ZNF233: variants seen among roughly 807,000 people sequenced by gnomAD.
ZNF233 encodes the protein zinc finger protein 233.
A neutral mutation model predicts 11.6 loss-of-function variants in ZNF233; 7 were observed. The ratio of observed to expected loss-of-function variants is 0.60; its 90% CI spans 0.34 to 1.13. The LOEUF (loss-of-function observed/expected upper bound fraction) is 1.13, where lower values mean the gene tolerates loss of function less well. Ranked by LOEUF, ZNF233 falls within the 50% of genes most tolerant of loss-of-function variation. The pLI, the probability that ZNF233 is intolerant of heterozygous loss-of-function variation, is 0.03. For missense variants in ZNF233, 711 were observed against 785.5 expected (o/e 0.91, Z 1.13); for synonymous variants, 226 against 268.5 (o/e 0.84, Z 1.55).
chr19:44,269,441 G>A (rs1368175058), intron 4 of ZNF233, among the ~76,000 whole-genome samples: 3 of 151,812 alleles, frequency 2.0e-5, no homozygotes, highest in Non-Finnish European at 4.4e-5. Context: ...GACTATAGGC[G>A]CATGCCACCA....
At chr19:44,270,888 C>T (rs58005257) in intron 4 of ZNF233, among the ~76,000 whole-genome samples, 3,503 of 152,248 alleles carry the variant, frequency 0.023, 131 homozygotes, top group African/African-American at 0.08. Flanking sequence ...TCAGAAGTGA[C>T]AGATCATCAC....
intron 2 of ZNF233, among the ~76,000 whole-genome samples, chr19:44,265,407 ACAC>A (rs1223517088): frequency 8.2e-6 from 1 of 121,970 alleles, no homozygotes; most frequent in African/African-American, 3.1e-5. Context: ...ACACACACAC[ACAC>A]CACGGTTTCT....
At chr19:44,264,883 G>A (rs1453800440) in intron 2 of ZNF233, among the ~76,000 whole-genome samples, 1 of 152,082 alleles carries the variant, frequency 6.6e-6, no homozygotes, top group African/African-American at 2.4e-5. Flanking sequence ...AACACACAAT[G>A]CTGTCTCTAA....
intron 1 of ZNF233, among the ~76,000 whole-genome samples, chr19:44,263,941 T>G (rs966364109): frequency 1.1e-4 from 17 of 152,218 alleles, no homozygotes; most frequent in Admixed American, 9.8e-4. Context: ...TTTTCTCATT[T>G]GCAGGTGACA....
intron 4 of ZNF233, among the ~76,000 whole-genome samples, chr19:44,270,403 C>T (rs1013178862): frequency 2.0e-5 from 3 of 150,470 alleles, no homozygotes; most frequent in Non-Finnish European, 3.0e-5. Context: ...CAACTGTAAT[C>T]CCAACTACTG....
intron 2 of ZNF233, 22 bp downstream of exon 2, chr19:44,264,397 A>T (rs1599872274): frequency 6.2e-7 from 1 of 1,608,110 alleles, no homozygotes; most frequent in Admixed American, 1.7e-5. Context: ...TTTGATTTTT[A>T]TCTCTTAAAA....
At position 44,273,885 on chromosome 19, in the gene ZNF233, C is replaced by A. The variant is rs182092287; in HGVS notation, c.1225C>A (p.Gln409Lys). ...KCDVYDKGFS[Q>K]TSQLQAHQRG... ...TGATGTATATGATAAAGGCTTCAGT[C>A]AGACATCACAACTTCAAGCCCATCA... Residue 409 changes from glutamine to lysine, a missense_variant, in exon 5 of 5, where the codon CAG becomes AAG. Coordinates refer to ENST00000683810, the MANE Select transcript of ZNF233 (RefSeq NM_001207005.2). 6.2e-7 allele frequency: 1 copy of A among 1,614,150 alleles called. No individual in the cohort carries two copies. Among genetic ancestry groups the A allele is most frequent in the Non-Finnish European group, 8.5e-7 (1 of 1,180,042 alleles).
chr19:44,274,550 T>G lies in ZNF233; in HGVS notation c.1890T>G (p.Ser630Arg). The G allele has an allele frequency of 6.2e-7, 1 of 1,614,036 alleles. No homozygotes were observed. The highest frequency in any genetic ancestry group is 8.5e-7 in the Non-Finnish European group (1 of 1,179,990). Reference sequence around the variant, plus strand: ...GTGGCATGTGTGGTAAGAGCTTCAGTCAGACTTCACATCTTCAAGCCCATC... The same window carrying G: ...GTGGCATGTGTGGTAAGAGCTTCAGGCAGACTTCACATCTTCAAGCCCATC... ...YKCGMCGKSF[S>R]QTSHLQAHQR... Residue 630 changes from serine (S) to arginine (R), a missense_variant, in exon 5 of 5, where the codon AGT becomes AGG. Physicochemically the swap from Ser to Arg is moderately radical, Grantham distance 110 (BLOSUM62 -1). Transcript: ENST00000683810.
At chr19:44,260,937 C>T (rs1047689209) in intron 1 of ZNF233, among the ~76,000 whole-genome samples, 9 of 152,146 alleles carry the variant, frequency 5.9e-5, no homozygotes, top group Non-Finnish European at 1.3e-4. Flanking sequence ...AGGGTCTCTT[C>T]TATAGGCTTT....
At chr19:44,267,845 CT>C (rs975691170) in intron 4 of ZNF233, 2 of 153,194 alleles carry the variant, frequency 1.3e-5, no homozygotes, top group Non-Finnish European at 2.9e-5. Context: ...GAGTCTTGCT[CT>C]GTCGCCAGGC....
intron 2 of ZNF233, among the ~76,000 whole-genome samples, chr19:44,264,787 G>C (rs1975025561): frequency 6.6e-6 from 1 of 151,892 alleles, no homozygotes; most frequent in Non-Finnish European, 1.5e-5. Flanking sequence ...GTTGTTACTA[G>C]AGTTTTATAT....
At position 44,259,939 on chromosome 19, in the gene ZNF233, G is replaced by A. The variant is rs544952437; in HGVS notation, c.-48+1G>A. ...AGCCGTCATCTATCCCCTCTGGGAG[G>A]TGAGTCAGCGCGGAACCTCTGCATC... On this transcript the variant is annotated splice_donor_variant, in intron 1 of 4. Transcript: ENST00000683810. LOFTEE classifies it low-confidence loss of function (5UTR_SPLICE). 2.0e-5 allele frequency: 9 copies of A among 456,020 alleles called. No individual in the cohort carries two copies. Among genetic ancestry groups the A allele is most frequent in the African/African-American group, 1.4e-4 (7 of 50,170 alleles). The allele number at this position is 456,020 out of a possible 1,614,324, so 28.2% of individuals were successfully genotyped here.
chr19:44,267,118 A>G (rs1000666203), intron 4 of ZNF233, 157 bp downstream of exon 4: 1 of 543,082 alleles, frequency 1.8e-6, no homozygotes. Context: ...ACCTCCCTCC[A>G]GTCCATTCTC....
chr19:44,261,427 CA>C (rs1425546196), intron 1 of ZNF233, among the ~76,000 whole-genome samples: 1 of 151,368 alleles, frequency 6.6e-6, no homozygotes. Flanking sequence ...GAGTCTGTCT[CA>C]AAAAAATTAA....
In ZNF233 at chr19:44,273,050, G is replaced by T; in HGVS notation, c.390G>T (p.Arg130Ser). The change falls in exon 5 of 5, where the codon AGG (arginine) becomes AGT (serine). Residue 130 changes from arginine to serine, a missense_variant. Physicochemically the swap from Arg to Ser is moderately radical, Grantham distance 110. Transcript: ENST00000683810. ...TAATAATAAATCTTCAAGGCAAGAG[G>T]TCCAAGTTGCTAAAACAAGGTGATT... is the stretch of plus-strand genomic sequence containing the variant. ...QDLIINLQGK[R>S]SKLLKQGDSP... 6.2e-7 allele frequency: 1 copy of T among 1,614,102 alleles called. No individual in the cohort carries two copies. Among genetic ancestry groups the T allele is most frequent in the Non-Finnish European group, 8.5e-7 (1 of 1,180,014 alleles).
intron 4 of ZNF233, chr19:44,268,200 T>C (rs1975144989): frequency 6.6e-6 from 1 of 150,658 alleles, no homozygotes; most frequent in African/African-American, 2.5e-5. Context: ...TTAAATTAAA[T>C]ACCCATCTCT....
chr19:44,274,069 A>G lies in ZNF233; in HGVS notation c.1409A>G (p.His470Arg). The G allele has an allele frequency of 1.3e-6, 2 of 1,598,030 alleles. No individual in the cohort carries two copies. The highest frequency in any genetic ancestry group is 3.4e-5 in the Admixed American group (2 of 59,306). The change falls in exon 5 of 5, where the codon CAT becomes CGT. Residue 470 changes from histidine to arginine, a missense_variant. By Grantham distance (29) the His-to-Arg change is conservative. Transcript: ENST00000683810. ...GFSKASNLQA[H>R]QRIHTGEKPY... ...AGTAAGGCCTCAAATCTTCAAGCCCATCAGAGAATCCACACTGGAGAGAAA... is the reference window on the plus strand; with the variant it reads ...AGTAAGGCCTCAAATCTTCAAGCCCGTCAGAGAATCCACACTGGAGAGAAA...
At position 44,273,209 on chromosome 19, in the gene ZNF233, G is replaced by T. The variant is rs765649059; in HGVS notation, c.549G>T (p.Trp183Cys). The T allele has an allele frequency of 2.4e-5, 39 of 1,613,590 alleles. No homozygotes were observed. The South Asian group carries it at 4.3e-4, about 18-fold the overall frequency. ...ELPLRTTWDFWRKMYLREPQN... is the reference protein window; with the variant it reads ...ELPLRTTWDFCRKMYLREPQN... ...CATTGAGGACCACCTGGGATTTCTG[G>T]AGGAAAATGTATCTGAGAGAACCAC... Residue 183 changes from tryptophan (W) to cysteine (C), a missense_variant, in exon 5 of 5, where the codon TGG (tryptophan) becomes TGT (cysteine). Transcript: ENST00000683810.
chr19:44,273,810 G>A lies in ZNF233; in HGVS notation c.1150G>A (p.Asp384Asn), dbSNP rs752418881. The A allele has an allele frequency of 6.2e-7, 1 of 1,614,072 alleles. No homozygotes were observed. The highest frequency in any genetic ancestry group is 8.5e-7 in the Non-Finnish European group (1 of 1,180,012). ...RCGKGFHHSL[D>N]FDIHCVDSAG... The stretch of plus-strand genomic sequence containing the variant: ...TGGGAAGGGCTTCCATCATAGCTTA[G>A]ATTTTGACATTCACTGTGTAGACAG... Residue 384 changes from aspartate (D) to asparagine (N), a missense_variant, in exon 5 of 5, where the codon GAT becomes AAT. Transcript: ENST00000683810.
Sources: gnomAD v4.1 joint callset for allele counts (sites outside exome capture counted in the v4.1 genomes callset) on GRCh38, gnomAD v4.1.1 for gene constraint, MANE v1.5 for transcripts, NCBI Gene and HGNC (gene_info 2026-07-23, HGNC 2026-07-21) for gene names.